GPAT4: variants seen among roughly 807,000 people sequenced by gnomAD.
GPAT4 encodes the protein 1-AGP acyltransferase 6.
Under a neutral mutation model 58.0 loss-of-function variants are expected in GPAT4, and 17 were observed. That is an observed-to-expected ratio of 0.29 (90% CI 0.20 to 0.44). GPAT4 has a LOEUF of 0.44. Ranked by LOEUF, GPAT4 falls within the 20% of genes least tolerant of loss-of-function variation. The pLI is 1.00. For synonymous variants in GPAT4, 204 were observed against 210.1 expected, an observed-to-expected ratio of 0.97 and a Z score of 0.25; for missense variants, 377 against 574.5, an observed-to-expected ratio of 0.66 and a Z score of 3.51.
At chr8:41,597,661 T>C (rs1327307945) in intron 1 of GPAT4, among the ~76,000 whole-genome samples, 2 of 152,180 alleles carry the variant, frequency 1.3e-5, no homozygotes, top group Non-Finnish European at 2.9e-5. Context: ...AGTAAAAATA[T>C]CAGTGTTTAG....
In GPAT4 at chr8:41,598,388, G is replaced by A. The variant is rs554024098; in HGVS notation, c.-752G>A. 2.0e-5 allele frequency: 3 copies of A among 152,334 alleles called. No homozygotes were observed. The South Asian group carries it at 6.2e-4, about 32-fold the overall frequency. The allele number at this position is 152,334 out of a possible 1,614,324, so 9.4% of individuals were successfully genotyped here. A position where few individuals can be genotyped will look rare whatever the true frequency, so the allele number is the denominator to read the frequency against. On this transcript the variant is annotated 5_prime_UTR_variant, in exon 2 of 13. Transcript: ENST00000396987. ...GAGTGTCCAGAGGATACCAATGCCA[G>A]ATGCATCTGGAGTTACACTCAGCAC...
Position 41,622,372 on chromosome 8 carries a change from G to C in GPAT4, c.*1371G>C, listed in dbSNP as rs967731370. The C allele has an allele frequency of 6.6e-6, 1 of 152,608 alleles. No homozygotes were observed. The highest frequency in any genetic ancestry group is 1.5e-5 in the Non-Finnish European group (1 of 68,150). The allele number at this position is 152,608 out of a possible 1,614,324, so 9.5% of individuals were successfully genotyped here. A position where few individuals can be genotyped will look rare whatever the true frequency, so the allele number is the denominator to read the frequency against. The stretch of plus-strand genomic sequence containing the variant: ...TGCACAGCCAGAGCAGGCACCACAG[G>C]AAAAGAGTCGGCCACTGGTGCCTGC... On this transcript the variant is annotated 3_prime_UTR_variant, in exon 13 of 13. Transcript: ENST00000396987.
At chr8:41,590,950 G>A (rs1431150434) in intron 1 of GPAT4, among the ~76,000 whole-genome samples, 2 of 152,124 alleles carry the variant, frequency 1.3e-5, no homozygotes, top group African/African-American at 2.4e-5. Context: ...ATAGCAGGAC[G>A]AGCCATAGTC....
At chr8:41,615,664 C>T (rs747941169) in intron 10 of GPAT4, among the ~76,000 whole-genome samples, 10 of 152,182 alleles carry the variant, frequency 6.6e-5, no homozygotes, top group Non-Finnish European at 1.0e-4. Flanking sequence ...TGTTCCTCCC[C>T]GCTCTTACCC....
At chr8:41,584,360 G>A (rs182061870) in intron 1 of GPAT4, among the ~76,000 whole-genome samples, 1 of 152,234 alleles carries the variant, frequency 6.6e-6, no homozygotes, top group African/African-American at 2.4e-5. Context: ...TCCATACAAA[G>A]ACTTGTAGAT....
chr8:41,610,672 C>T, intron 4 of GPAT4, 64 bp from the exon 5 acceptor site: 2 of 1,593,880 alleles, frequency 1.3e-6, no homozygotes, highest in Non-Finnish European at 1.7e-6. Context: ...GATTTTCACA[C>T]CTTCAGTTCT....
intron 1 of GPAT4, among the ~76,000 whole-genome samples, chr8:41,588,425 T>G (rs951461153): frequency 4.7e-5 from 7 of 147,946 alleles, no homozygotes; most frequent in Non-Finnish European, 7.5e-5. Context: ...TTGGTATAGA[T>G]GCCTTGATTT....
rs752054799 is a variant in GPAT4 at position 41,618,936 on chromosome 8, A to G, written c.1221A>G (p.Lys407=). The G allele has an allele frequency of 6.2e-7, 1 of 1,614,184 alleles. No individual in the cohort carries two copies. The highest frequency in any genetic ancestry group is 8.5e-7 in the Non-Finnish European group (1 of 1,180,036). ...CTGTCCAGTTTGCGAATAGGGTGAA[A>G]TCTGCCATTGCCAGGCAGGGAGGAC... ...EDAVQFANRV[K]SAIARQGGLV... is the part of the protein sequence containing the mutation. The change falls in exon 12 of 13, where the codon AAA becomes AAG. Residue 407 remains lysine, a synonymous_variant. Transcript: ENST00000396987.
chr8:41,616,483 C>T (rs759426984), intron 10 of GPAT4, among the ~76,000 whole-genome samples: 1 of 152,124 alleles, frequency 6.6e-6, no homozygotes, highest in Non-Finnish European at 1.5e-5. Context: ...TTTGTAGAGA[C>T]GGAGTTTCCC....
At chr8:41,599,502 G>A (rs529941452) in intron 2 of GPAT4, among the ~76,000 whole-genome samples, 198 bp downstream of exon 2, 2 of 152,272 alleles carry the variant, frequency 1.3e-5, no homozygotes, top group East Asian at 1.9e-4. Context: ...ATGCCGAGCC[G>A]AGGGACCTAT....
chr8:41,611,121 GA>G (rs1240797305), intron 5 of GPAT4, among the ~76,000 whole-genome samples: 4 of 152,248 alleles, frequency 2.6e-5, no homozygotes, highest in Non-Finnish European at 1.5e-5. Flanking sequence ...AGCTACTTGG[GA>G]AGCTGAGGCA....
At position 41,621,300 on chromosome 8, in the gene GPAT4, G is replaced by A. The variant is rs1044669213; in HGVS notation, c.*299G>A. The A allele has an allele frequency of 2.7e-6, 1 of 365,564 alleles. No individual in the cohort carries two copies. Among genetic ancestry groups the A allele is most frequent in the Non-Finnish European group, 5.1e-6 (1 of 195,958 alleles). The allele number at this position is 365,564 out of a possible 1,614,324, so 22.6% of individuals were successfully genotyped here. A position where few individuals can be genotyped will look rare whatever the true frequency, so the allele number is the denominator to read the frequency against. On this transcript the variant is annotated 3_prime_UTR_variant, in exon 13 of 13. Transcript: ENST00000396987. ...TAAAGTGAACTCCCCACCTTTGCACGCTGTGCGGGCTGAGTGGTTGGGGAG... is the reference window on the plus strand; with the variant it reads ...TAAAGTGAACTCCCCACCTTTGCACACTGTGCGGGCTGAGTGGTTGGGGAG...
intron 2 of GPAT4, among the ~76,000 whole-genome samples, chr8:41,606,369 G>T (rs1336490759): frequency 6.6e-6 from 1 of 152,156 alleles, no homozygotes; most frequent in Non-Finnish European, 1.5e-5. Context: ...GCCTGCTGAA[G>T]ATTTGCTTGG....
intron 10 of GPAT4, among the ~76,000 whole-genome samples, chr8:41,615,305 C>T (rs1290343787): frequency 6.6e-6 from 1 of 152,208 alleles, no homozygotes; most frequent in Non-Finnish European, 1.5e-5. Flanking sequence ...CGCCACCATT[C>T]GGGAAATGGC....
intron 1 of GPAT4, among the ~76,000 whole-genome samples, chr8:41,586,136 CTG>C (rs1802650219): frequency 1.3e-5 from 2 of 152,336 alleles, no homozygotes; most frequent in African/African-American, 4.8e-5. Flanking sequence ...TACTTTCTGT[CTG>C]TGTAGATTTG....
chr8:41,595,812 C>CT (rs1204239226), intron 1 of GPAT4, among the ~76,000 whole-genome samples: 1 of 125,660 alleles, frequency 8.0e-6, no homozygotes, highest in Non-Finnish European at 1.9e-5. Flanking sequence ...CTTCCTGTCT[C>CT]TCTTTTCCTC....
chr8:41,595,163 T>G (rs1268064808), intron 1 of GPAT4, among the ~76,000 whole-genome samples: 3 of 150,806 alleles, frequency 2.0e-5, no homozygotes, highest in East Asian at 1.9e-4. Flanking sequence ...ATAGTTTTTT[T>G]TTTTTTTTTT....
chr8:41,596,375 C>T (rs1437110371), intron 1 of GPAT4, among the ~76,000 whole-genome samples: 4 of 152,196 alleles, frequency 2.6e-5, no homozygotes, highest in African/African-American at 9.7e-5. Context: ...CAGGTCAAAA[C>T]CAAAGTATCA....
At position 41,606,568 on chromosome 8, in the gene GPAT4, TAAAAG is replaced by T. The variant is rs557137817; in HGVS notation, c.166-2841_166-2837del. Among the ~76,000 whole-genome samples the T allele has an allele frequency of 1.8e-3, 271 of 152,312 alleles. 3 individuals carry two copies. Among genetic ancestry groups the T allele is most frequent in the African/African-American group, 6.0e-3 (250 of 41,570 alleles). On this transcript the variant is annotated intron_variant, in intron 2 of 12. Coordinates refer to ENST00000396987, the MANE Select transcript of GPAT4 (RefSeq NM_178819.4). ...AAATCAACTCTCAAAAGCAGATTAA[TAAAAG>T]AAAAGACGTACAAATTTATTAATGT... is the stretch of plus-strand genomic sequence containing the variant.
Sources: allele counts gnomAD v4.1 joint callset (sites outside exome capture counted in the v4.1 genomes callset), GRCh38; gene constraint gnomAD v4.1.1; transcripts MANE v1.5; gene names NCBI Gene and HGNC (gene_info 2026-07-23, HGNC 2026-07-21).